TBC1D21: variants seen among roughly 807,000 people sequenced by gnomAD.
The protein encoded by TBC1D21 is TBC1 domain family member 21, also known as male germ cell Rab GTPase-activating protein.
Under a neutral mutation model 46.0 loss-of-function variants are expected in TBC1D21, and 38 were observed. The ratio of observed to expected loss-of-function variants is 0.83; its 90% confidence interval spans 0.64 to 1.08. The LOEUF (loss-of-function observed/expected upper bound fraction) is 1.08, where lower values mean the gene tolerates loss of function less well. TBC1D21 is among the 50% of genes least tolerant of loss of function. The pLI, the probability that TBC1D21 is intolerant of heterozygous loss-of-function variation, is 0.00. For synonymous variants in TBC1D21, 151 were observed against 157.2 expected (o/e 0.96, Z 0.29); for missense variants, 415 against 417.9 (o/e 0.99, Z 0.06).
the TBC1D21 span, among the ~76,000 whole-genome samples, chr15:73,894,783 C>A: frequency 6.6e-6 from 1 of 152,182 alleles, no homozygotes; most frequent in East Asian, 1.9e-4. Flanking sequence ...ATGGCAGAGA[C>A]CCCCTGGATG....
intron 1 of TBC1D21, among the ~76,000 whole-genome samples, chr15:73,879,874 C>CTGTTGT (rs5813727): frequency 1.5e-4 from 22 of 149,906 alleles, no homozygotes; most frequent in East Asian, 7.9e-4. Flanking sequence ...ACCCTCACTC[C>CTGTTGT]TGTTGTTGTT....
intron 6 of TBC1D21, among the ~76,000 whole-genome samples, chr15:73,885,739 A>G (rs2068232886): frequency 1.3e-5 from 2 of 151,628 alleles, no homozygotes; most frequent in African/African-American, 4.9e-5. Context: ...CCCCAACACT[A>G]TTGTGTGAGG....
downstream of TBC1D21, among the ~76,000 whole-genome samples, chr15:73,890,636 T>C (rs1319305476): frequency 1.3e-5 from 2 of 152,208 alleles, no homozygotes; most frequent in Non-Finnish European, 2.9e-5. Flanking sequence ...CAGATGAACA[T>C]TTTCTAATGC....
intron 1 of TBC1D21, among the ~76,000 whole-genome samples, chr15:73,877,630 C>A (rs772838483): frequency 4.0e-5 from 6 of 149,950 alleles, no homozygotes; most frequent in Non-Finnish European, 7.4e-5. Flanking sequence ...AACTCACAGG[C>A]AAATGATTCT....
chr15:73,895,950 A>G, the TBC1D21 span, among the ~76,000 whole-genome samples: 1 of 152,128 alleles, frequency 6.6e-6, no homozygotes, highest in Non-Finnish European at 1.5e-5. Flanking sequence ...TGGGGAGAGT[A>G]GTGGTGATAG....
At chr15:73,887,567 G>A in intron 8 of TBC1D21, 53 bp from the exon 9 acceptor site, 1 of 1,525,092 alleles carries the variant, frequency 6.6e-7, no homozygotes, top group Non-Finnish European at 9.1e-7. Flanking sequence ...CCATCCTCAG[G>A]GCATCTGCAG....
At chr15:73,893,537 G>T, downstream of TBC1D21, among the ~76,000 whole-genome samples, 1 of 152,196 alleles carries the variant, frequency 6.6e-6, no homozygotes, top group Middle Eastern at 3.4e-3. Context: ...TTCTTCTCTG[G>T]CTACATTGAA....
At chr15:73,879,284 T>C (rs1047041670) in intron 1 of TBC1D21, among the ~76,000 whole-genome samples, 1 of 152,228 alleles carries the variant, frequency 6.6e-6, no homozygotes, top group Non-Finnish European at 1.5e-5. Context: ...CTTGGCTCAC[T>C]GCAATCTCCG....
the TBC1D21 span, among the ~76,000 whole-genome samples, chr15:73,902,468 C>T: frequency 6.6e-6 from 1 of 152,180 alleles, no homozygotes; most frequent in African/African-American, 2.4e-5. Flanking sequence ...ATACCTGTCC[C>T]CTCTTTTCTC....
intron 1 of TBC1D21, among the ~76,000 whole-genome samples, chr15:73,878,044 A>T (rs961791509): frequency 6.6e-6 from 1 of 152,242 alleles, no homozygotes; most frequent in Non-Finnish European, 1.5e-5. Flanking sequence ...TTTATTCAAC[A>T]TTGCACTTGA....
At chr15:73,892,882 G>A (rs1030467338), downstream of TBC1D21, among the ~76,000 whole-genome samples, 7 of 152,218 alleles carry the variant, frequency 4.6e-5, no homozygotes, top group African/African-American at 1.4e-4. Flanking sequence ...TGATGATGGC[G>A]GTGATGGTGA....
At chr15:73,886,480 CCT>C in intron 7 of TBC1D21, 30 bp from the exon 8 acceptor site, 1 of 1,600,202 alleles carries the variant, frequency 6.2e-7, no homozygotes, top group Non-Finnish European at 8.6e-7. Flanking sequence ...TGTGTTTTCC[CCT>C]GACCACAGCC....
the TBC1D21 span, among the ~76,000 whole-genome samples, chr15:73,909,464 C>T: frequency 4.6e-5 from 7 of 152,306 alleles, 1 homozygote; most frequent in South Asian, 2.1e-4. Context: ...GGTTGTTGCC[C>T]TTGCCACGGG....
intron 8 of TBC1D21, 71 bp downstream of exon 8, chr15:73,886,683 C>A (rs62007099): frequency 0.36 from 511,281 of 1,438,426 alleles, 95,347 homozygotes; most frequent in Middle Eastern, 0.45. Context: ...GCAAGTCTTC[C>A]TTGCCTCCCC....
At chr15:73,895,331 A>G in the TBC1D21 span, among the ~76,000 whole-genome samples, 5 of 152,310 alleles carry the variant, frequency 3.3e-5, no homozygotes, top group East Asian at 9.7e-4. Context: ...GGCACTGTCC[A>G]GGAGCAGAGC....
the TBC1D21 span, among the ~76,000 whole-genome samples, chr15:73,907,123 C>T: frequency 2.7e-5 from 4 of 146,682 alleles, no homozygotes; most frequent in South Asian, 8.8e-4. Context: ...TCCTCTTCTT[C>T]CTCTTCCTCC....
chr15:73,874,096 C>G (rs765794767), intron 1 of TBC1D21, among the ~76,000 whole-genome samples: 3 of 152,208 alleles, frequency 2.0e-5, no homozygotes, highest in Non-Finnish European at 4.4e-5. Context: ...ATACTGCCAC[C>G]AGGTGGCAGT....
chr15:73,884,191 CA>C lies in TBC1D21; in HGVS notation c.314del (p.Gln105ArgfsTer41). 1 of 1,614,254 alleles carries C rather than the reference CA, an allele frequency of 6.2e-7. No individual in the cohort carries two copies. The highest frequency in any genetic ancestry group is 1.1e-5 in the South Asian group (1 of 91,084). ...KALCQMYEKI[Q>X]PLLENLHRNF... is the part of the protein sequence containing the mutation. ...CTTATGCCAAATGTATGAGAAGATT[CA>C]GCCCCTTCTGGAAAACCTGCACCGG... On this transcript the variant is annotated frameshift_variant, in exon 4 of 11. Transcript: ENST00000300504. LOFTEE classifies it high-confidence loss of function.
chr15:73,882,192 G>A (rs1029593142), intron 3 of TBC1D21, among the ~76,000 whole-genome samples: 1 of 152,118 alleles, frequency 6.6e-6, no homozygotes, highest in Non-Finnish European at 1.5e-5. Flanking sequence ...GTGCCCAGGG[G>A]AAGGTACAAA....
Sources: allele counts gnomAD v4.1 joint callset (sites outside exome capture counted in the v4.1 genomes callset), GRCh38; gene constraint gnomAD v4.1.1; transcripts MANE v1.5; gene names NCBI Gene and HGNC (gene_info 2026-07-23, HGNC 2026-07-21).